ADAMTS12: variants seen among roughly 807,000 people sequenced by gnomAD.
ADAMTS12 encodes A disintegrin and metalloproteinase with thrombospondin motifs 12.
ADAMTS12 carries 118 observed loss-of-function variants against 167.8 expected under a neutral mutation model. The ratio of observed to expected loss-of-function variants is 0.70; its 90% CI spans 0.61 to 0.82. The LOEUF (loss-of-function observed/expected upper bound fraction) is 0.82, where lower values mean the gene tolerates loss of function less well. ADAMTS12 is among the 40% of genes least tolerant of loss of function. The pLI is 0.00. For missense variants in ADAMTS12, 1,916 were observed against 1,998.8 expected, an observed-to-expected ratio of 0.96 and a Z score of 0.79; for synonymous variants, 704 against 716.9, an observed-to-expected ratio of 0.98 and a Z score of 0.29.
intron 3 of ADAMTS12, among the ~76,000 whole-genome samples, chr5:33,710,996 T>A (rs986246743): frequency 6.6e-6 from 1 of 152,186 alleles, no homozygotes; most frequent in Non-Finnish European, 1.5e-5. Context: ...TCTTGAGGGA[T>A]GGCAAAAATA....
chr5:33,637,151 AATC>A (rs766747672), intron 12 of ADAMTS12, among the ~76,000 whole-genome samples: 1 of 152,142 alleles, frequency 6.6e-6, no homozygotes, highest in Non-Finnish European at 1.5e-5. Context: ...TAGTCTTAAG[AATC>A]ATCAACTGCT....
chr5:33,657,863 G>C (rs1273875790), intron 7 of ADAMTS12, among the ~76,000 whole-genome samples: 1 of 152,120 alleles, frequency 6.6e-6, no homozygotes. Flanking sequence ...AACTAACCAA[G>C]GGTTATTCCT....
rs1397915277 is a variant in ADAMTS12 at position 33,643,232 on chromosome 5, G to A, written c.1572+146C>T. ...GGTTCACCAGGAGTGGTGGATGTGG[G>A]TGATCTCCTCTGGCTGGTCTGACTG... On this transcript the variant is annotated intron_variant, in intron 10 of 23. Coordinates refer to ENST00000504830, the MANE Select transcript of ADAMTS12 (RefSeq NM_030955.4). 1.1e-4 allele frequency: 80 copies of A among 705,936 alleles called. 1 individual carries two copies. The South Asian group carries it at 1.5e-3, about 14-fold the overall frequency. The allele number at this position is 705,936 out of a possible 1,614,324, so 43.7% of individuals were successfully genotyped here.
chr5:33,702,015 G>A (rs1191649647), intron 3 of ADAMTS12, among the ~76,000 whole-genome samples: 4 of 152,190 alleles, frequency 2.6e-5, no homozygotes, highest in Non-Finnish European at 5.9e-5. Flanking sequence ...GGTGGTGCAT[G>A]CACTGGATCA....
At chr5:33,655,406 G>C (rs1267006658) in intron 7 of ADAMTS12, among the ~76,000 whole-genome samples, 1 of 152,018 alleles carries the variant, frequency 6.6e-6, no homozygotes, top group Non-Finnish European at 1.5e-5. Context: ...CGTTGGGTAG[G>C]GTAACTCTGA....
chr5:33,638,450 C>T (rs529081790), intron 11 of ADAMTS12, among the ~76,000 whole-genome samples: 1 of 152,134 alleles, frequency 6.6e-6, no homozygotes, highest in South Asian at 2.1e-4. Flanking sequence ...CTTCATGTTA[C>T]ACTGCTCCAG....
intron 23 of ADAMTS12, among the ~76,000 whole-genome samples, chr5:33,529,521 G>T (rs1310130645): frequency 6.6e-6 from 1 of 152,226 alleles, no homozygotes; most frequent in East Asian, 1.9e-4. Context: ...TCATAAACAG[G>T]CCGCTGTCCT....
intron 2 of ADAMTS12, among the ~76,000 whole-genome samples, chr5:33,829,199 T>C (rs1190429538): frequency 1.3e-5 from 2 of 152,154 alleles, no homozygotes; most frequent in Non-Finnish European, 1.5e-5. Flanking sequence ...CTCATACTCA[T>C]GAGCTGTGCT....
chr5:33,530,038 G>A (rs1029980929), intron 23 of ADAMTS12, among the ~76,000 whole-genome samples: 1 of 151,926 alleles, frequency 6.6e-6, no homozygotes, highest in Admixed American at 6.5e-5. Flanking sequence ...TCCTGCCTCA[G>A]CCTCCTGAGT....
At chr5:33,839,727 G>A (rs1211823775) in intron 2 of ADAMTS12, among the ~76,000 whole-genome samples, 1 of 152,106 alleles carries the variant, frequency 6.6e-6, no homozygotes, top group African/African-American at 2.4e-5. Context: ...CCACCACCGT[G>A]CCCTGCCCAC....
intron 12 of ADAMTS12, among the ~76,000 whole-genome samples, chr5:33,631,641 G>A (rs1739937598): frequency 6.6e-6 from 1 of 152,132 alleles, no homozygotes; most frequent in African/African-American, 2.4e-5. Flanking sequence ...ATACCCATAT[G>A]TATGTATACA....
At chr5:33,564,434 T>C (rs992570771) in intron 19 of ADAMTS12, among the ~76,000 whole-genome samples, 1 of 152,230 alleles carries the variant, frequency 6.6e-6, no homozygotes, top group Non-Finnish European at 1.5e-5. Flanking sequence ...GATATTGGGT[T>C]GCAGTAGATT....
At chr5:33,877,061 A>T (rs571436402) in intron 2 of ADAMTS12, among the ~76,000 whole-genome samples, 2 of 152,324 alleles carry the variant, frequency 1.3e-5, no homozygotes, top group East Asian at 3.9e-4. Flanking sequence ...GAGTGGATGG[A>T]AGTTAAAGCT....
intron 3 of ADAMTS12, among the ~76,000 whole-genome samples, chr5:33,745,912 C>G (rs1982326): frequency 0.65 from 99,245 of 151,902 alleles, 33,472 homozygotes; most frequent in Non-Finnish European, 0.75. Flanking sequence ...CCCAAATTTT[C>G]ACCAACAGTC....
intron 17 of ADAMTS12, among the ~76,000 whole-genome samples, chr5:33,595,657 C>T (rs1340528886): frequency 6.6e-6 from 1 of 152,200 alleles, no homozygotes; most frequent in Non-Finnish European, 1.5e-5. Context: ...GGGTGATCCA[C>T]TTAGCACTCT....
intron 2 of ADAMTS12, among the ~76,000 whole-genome samples, chr5:33,811,177 A>C (rs1747447909): frequency 6.6e-6 from 1 of 152,218 alleles, no homozygotes; most frequent in Non-Finnish European, 1.5e-5. Flanking sequence ...GAGTAATATC[A>C]AATTCAATAA....
At chr5:33,638,126 G>A (rs1740281224) in intron 11 of ADAMTS12, among the ~76,000 whole-genome samples, 1 of 152,076 alleles carries the variant, frequency 6.6e-6, no homozygotes, top group Non-Finnish European at 1.5e-5. Flanking sequence ...TCAATCAGTT[G>A]CCTGGTCATC....
At chr5:33,829,655 G>A (rs143939871) in intron 2 of ADAMTS12, among the ~76,000 whole-genome samples, 1 of 152,252 alleles carries the variant, frequency 6.6e-6, no homozygotes, top group African/African-American at 2.4e-5. Context: ...AATTCCTCCT[G>A]AGGCATGTTG....
At chr5:33,829,829 A>G (rs1237548254) in intron 2 of ADAMTS12, among the ~76,000 whole-genome samples, 1 of 152,128 alleles carries the variant, frequency 6.6e-6, no homozygotes, top group East Asian at 1.9e-4. Flanking sequence ...AGCTTTCCTC[A>G]ATTCCCAAAG....
Sources: gnomAD v4.1 joint callset for allele counts (sites outside exome capture counted in the v4.1 genomes callset) on GRCh38, gnomAD v4.1.1 for gene constraint, MANE v1.5 for transcripts, NCBI Gene and HGNC (gene_info 2026-07-23, HGNC 2026-07-21) for gene names.